ARHGAP35: variants seen among roughly 807,000 people sequenced by gnomAD.
ARHGAP35 encodes the protein Rho GTPase activating protein 35.
Under a neutral mutation model 111.1 loss-of-function variants are expected in ARHGAP35, and 15 were observed. The ratio of observed to expected loss-of-function variants is 0.13; its 90% CI spans 0.09 to 0.21. The LOEUF is 0.21. Ranked by LOEUF, ARHGAP35 falls within the 10% of genes least tolerant of loss-of-function variation. The pLI, the probability that ARHGAP35 is intolerant of heterozygous loss-of-function variation, is 1.00. For synonymous variants in ARHGAP35, 643 were observed against 710.3 expected (o/e 0.91, Z 1.51); for missense variants, 1,262 against 1,873.0 (o/e 0.67, Z 6.02).
chr19:46,862,603 C>T (rs1237588141), intron 1 of ARHGAP35, among the ~76,000 whole-genome samples: 1 of 152,094 alleles, frequency 6.6e-6, no homozygotes, highest in Non-Finnish European at 1.5e-5. Flanking sequence ...CAATTCTGCT[C>T]CATCCTCTTT....
chr19:46,909,460 G>A (rs536078738), intron 1 of ARHGAP35, among the ~76,000 whole-genome samples: 4 of 152,242 alleles, frequency 2.6e-5, no homozygotes, highest in Non-Finnish European at 4.4e-5. Context: ...AGCTGAATGC[G>A]CGTAATCAAT....
Position 46,905,954 on chromosome 19 carries a change from G to A in ARHGAP35, c.-188-12534G>A, listed in dbSNP as rs193204399. The stretch of plus-strand genomic sequence containing the variant: ...CTGTCTCAGCCTCCCAAAGTGCTGG[G>A]ATTACAGGCGTGAGCCACCGTGCCT... On this transcript the variant is annotated intron_variant, in intron 1 of 6. Transcript: ENST00000672722. Among the ~76,000 whole-genome samples, 917 of 151,924 alleles carry A rather than the reference G, an allele frequency of 6.0e-3. 5 individuals are homozygous for A. Among genetic ancestry groups the A allele is most frequent in the South Asian group, 0.02 (98 of 4,810 alleles).
chr19:46,864,089 T>G (rs1005823845), intron 1 of ARHGAP35, among the ~76,000 whole-genome samples: 3 of 152,218 alleles, frequency 2.0e-5, no homozygotes, highest in African/African-American at 7.2e-5. Context: ...AAGGGGTGTG[T>G]GGGTGGGCCC....
rs368795219 is a variant in ARHGAP35 at position 46,905,265 on chromosome 19, C to G, written c.-188-13223C>G. ...ACTGTAGGTTGGGCGTGGTGGCTCA[C>G]GCCTATAATCTCAGCACTTTGGGAG... On this transcript the variant is annotated intron_variant, in intron 1 of 6. Transcript: ENST00000672722. Among the ~76,000 whole-genome samples, 62 of 152,250 alleles carry G rather than the reference C, an allele frequency of 4.1e-4. 1 individual carries two copies. In the South Asian group the frequency reaches 0.013, roughly 31 times the overall value.
chr19:46,865,610 A>G (rs2055851433), intron 1 of ARHGAP35, among the ~76,000 whole-genome samples: 1 of 152,168 alleles, frequency 6.6e-6, no homozygotes, highest in Non-Finnish European at 1.5e-5. Context: ...CCATAGCCTA[A>G]TAGATGTTTG....
chr19:46,920,740 C>G lies in ARHGAP35; in HGVS notation c.2065C>G (p.Arg689Gly). The change falls in exon 2 of 7, where the codon CGG (arginine) becomes GGG (glycine). Residue 689 changes from arginine (R) to glycine (G), a missense_variant. By Grantham distance (125) the Arg-to-Gly change is moderately radical. Transcript: ENST00000672722. This position sits in a 1 kb window ranked among gnomAD's most constrained non-coding sequence, Gnocchi z 7.0. ...EKSRESTLGRRDNHLVHLPLT... is the reference protein window; with the variant it reads ...EKSRESTLGRGDNHLVHLPLT... ...GAGTAGAGAGTCCACGCTGGGCCGGCGGGATAATCATTTAGTCCATCTCCC... is the reference window on the plus strand; with the variant it reads ...GAGTAGAGAGTCCACGCTGGGCCGGGGGGATAATCATTTAGTCCATCTCCC... 6.2e-7 allele frequency: 1 copy of G among 1,611,516 alleles called. No homozygotes were observed.
intron 3 of ARHGAP35, among the ~76,000 whole-genome samples, chr19:46,968,174 A>C (rs922713146): frequency 1.3e-5 from 2 of 152,212 alleles, no homozygotes. Flanking sequence ...GAAACGTGGA[A>C]TTGTATACAT....
At chr19:46,987,170 C>A (rs184456923) in intron 3 of ARHGAP35, among the ~76,000 whole-genome samples, 2 of 150,660 alleles carry the variant, frequency 1.3e-5, no homozygotes, top group Non-Finnish European at 3.0e-5. Flanking sequence ...AATTTTCTAA[C>A]AGTAAAAACT....
intron 1 of ARHGAP35, among the ~76,000 whole-genome samples, chr19:46,899,702 AAAAAACAAAAAC>A (rs370149996): frequency 1.5e-4 from 23 of 151,874 alleles, no homozygotes; most frequent in South Asian, 6.2e-4. Flanking sequence ...CCTGTACAAA[AAAAAACAAAAAC>A]AAAAACAAAA....
At chr19:46,952,727 G>A (rs780535912) in intron 3 of ARHGAP35, among the ~76,000 whole-genome samples, 19 of 152,208 alleles carry the variant, frequency 1.2e-4, no homozygotes, top group Non-Finnish European at 2.2e-4. Flanking sequence ...AGGTTGGAGT[G>A]CAGTGGTGCG....
intron 1 of ARHGAP35, among the ~76,000 whole-genome samples, chr19:46,873,478 C>G (rs1375201195): frequency 1.4e-5 from 2 of 147,686 alleles, no homozygotes; most frequent in Non-Finnish European, 3.0e-5. Context: ...ACTAAAAATA[C>G]AAAAAAAAAA....
intron 3 of ARHGAP35, among the ~76,000 whole-genome samples, chr19:46,958,783 C>G (rs1022205596): frequency 6.6e-6 from 1 of 152,220 alleles, no homozygotes; most frequent in African/African-American, 2.4e-5. Flanking sequence ...CTTTTGAGAA[C>G]TGCAATTGCA....
chr19:46,889,457 C>CA (rs1003212229), intron 1 of ARHGAP35, among the ~76,000 whole-genome samples: 2 of 151,290 alleles, frequency 1.3e-5, no homozygotes, highest in Non-Finnish European at 2.9e-5. Flanking sequence ...AACTCCATCT[C>CA]AAAAAAACAA....
rs762207356 is a variant in ARHGAP35 at position 46,945,618 on chromosome 19, C to T, written c.3826+8210C>T. ...ACCCCCTGAGGCAGCTTCCAAGTGT[C>T]GTCACACCTGCCCACCCGGGACGGT... On this transcript the variant is annotated intron_variant, in intron 3 of 6. Transcript: ENST00000672722. This position sits in a 1 kb window ranked among gnomAD's most constrained non-coding sequence, Gnocchi z 4.1. 1.1e-4 allele frequency among the ~76,000 whole-genome samples: 17 copies of T among 152,112 alleles called. No individual in the cohort carries two copies. The highest frequency in any genetic ancestry group is 1.9e-4 in the Non-Finnish European group (13 of 68,028).
At chr19:46,864,794 G>A (rs554461398) in intron 1 of ARHGAP35, among the ~76,000 whole-genome samples, 1 of 152,230 alleles carries the variant, frequency 6.6e-6, no homozygotes, top group East Asian at 1.9e-4. Context: ...TGTGTGTCAT[G>A]ATTAATTTTC....
chr19:46,899,101 A>C (rs1409500664), intron 1 of ARHGAP35, among the ~76,000 whole-genome samples: 1 of 152,206 alleles, frequency 6.6e-6, no homozygotes, highest in African/African-American at 2.4e-5. Context: ...AGAATGTAGA[A>C]GGGCGCGTTT....
Position 46,986,738 on chromosome 19 carries a change from G to A in ARHGAP35, c.3827-1251G>A, listed in dbSNP as rs1252976392. Reference sequence around the variant, plus strand: ...GGAAAATTAACAAGAACATGAATACGATATTCACAAAGTAAGAAATACCTA... The same window carrying A: ...GGAAAATTAACAAGAACATGAATACAATATTCACAAAGTAAGAAATACCTA... On this transcript the variant is annotated intron_variant, in intron 3 of 6. Coordinates refer to ENST00000672722, the MANE Select transcript of ARHGAP35 (RefSeq NM_004491.5). This position sits in a 1 kb window ranked among gnomAD's most constrained non-coding sequence, Gnocchi z 4.3. Among the ~76,000 whole-genome samples the A allele has an allele frequency of 4.6e-5, 7 of 152,150 alleles. No individual in the cohort carries two copies. The highest frequency in any genetic ancestry group is 2.1e-4 in the South Asian group (1 of 4,822).
intron 3 of ARHGAP35, among the ~76,000 whole-genome samples, chr19:46,981,895 C>T (rs928685601): frequency 1.3e-5 from 2 of 151,896 alleles, no homozygotes; most frequent in African/African-American, 2.4e-5. Flanking sequence ...ACTCTGTCTC[C>T]CAAGCTGAAG....
chr19:46,979,055 T>G (rs1157341925), intron 3 of ARHGAP35, among the ~76,000 whole-genome samples: 1 of 88,708 alleles, frequency 1.1e-5, no homozygotes, highest in Non-Finnish European at 2.2e-5. Context: ...TGTGGTGGGA[T>G]GTGTGTGTGT....
Sources: gnomAD v4.1 joint callset for allele counts (sites outside exome capture counted in the v4.1 genomes callset) on GRCh38, gnomAD v4.1.1 for gene constraint, Gnocchi (gnomAD v3.1) non-coding constraint, MANE v1.5 for transcripts, NCBI Gene and HGNC (gene_info 2026-07-23, HGNC 2026-07-21) for gene names.